Variants in LRRC51 observed in about 807,000 individuals in gnomAD.
LRRC51 encodes leucine-rich repeat-containing protein 51.
A neutral mutation model predicts 17.8 loss-of-function variants in LRRC51; 8 were observed. That is an observed-to-expected ratio of 0.45 (90% CI 0.26 to 0.81). The LOEUF (loss-of-function observed/expected upper bound fraction) is 0.81, where lower values mean the gene tolerates loss of function less well. Among genes scored for constraint, LRRC51 ranks in the 30% least tolerant of loss-of-function variants. LRRC51 has a pLI of 0.17. For synonymous variants in LRRC51, 92 were observed against 96.0 expected (o/e 0.96, Z 0.24); for missense variants, 233 against 239.3 (o/e 0.97, Z 0.17).
chr11:72,088,424 T>C, intron 2 of LRRC51, 44 bp downstream of exon 2: 1 of 702,316 alleles, frequency 1.4e-6, no homozygotes, highest in East Asian at 2.7e-5. Context: ...TGTATGTTTA[T>C]ATGTGTATGG....
At chr11:72,092,409 T>A (rs568041924) in intron 3 of LRRC51, among the ~76,000 whole-genome samples, 1 of 152,368 alleles carries the variant, frequency 6.6e-6, no homozygotes, top group South Asian at 2.1e-4. Context: ...AACCAAATTA[T>A]GTTGATTGTA....
chr11:72,093,121 T>C (rs539491608), intron 3 of LRRC51, among the ~76,000 whole-genome samples: 90 of 152,370 alleles, frequency 5.9e-4, no homozygotes, highest in African/African-American at 2.0e-3. Flanking sequence ...AAGTGAATTC[T>C]ATAGGCTTTA....
Position 72,088,301 on chromosome 11 carries a change from T to TA in LRRC51, c.-134dup. 1.4e-6 allele frequency: 1 copy of TA among 699,922 alleles called. No homozygotes were observed. Among genetic ancestry groups the TA allele is most frequent in the South Asian group, 1.5e-5 (1 of 67,196 alleles). 43.4% of individuals were successfully genotyped at this position (699,922 alleles called of 1,614,324 possible). A position where few individuals can be genotyped will look rare whatever the true frequency, so the allele number is the denominator to read the frequency against. ...CATTGTGTTCATCCCTGTCAGGGAG[T>TA]ATTTCCATTTTAACCGGAAACAATC... On this transcript the variant is annotated 5_prime_UTR_variant, in exon 2 of 6. Coordinates refer to ENST00000289488, the MANE Select transcript of LRRC51 (RefSeq NM_145309.6).
chr11:72,092,594 G>C (rs577469536), intron 3 of LRRC51, among the ~76,000 whole-genome samples: 2 of 152,222 alleles, frequency 1.3e-5, no homozygotes, highest in Non-Finnish European at 2.9e-5. Flanking sequence ...ACAGGGTAAA[G>C]CCCAAGATCC....
chr11:72,091,071 G>A (rs1268978770), intron 3 of LRRC51, among the ~76,000 whole-genome samples: 1 of 152,122 alleles, frequency 6.6e-6, no homozygotes, highest in Non-Finnish European at 1.5e-5. Flanking sequence ...AATCTGAGAG[G>A]AGCAGCAACC....
At chr11:72,088,881 G>A (rs1944691140) in intron 2 of LRRC51, 148 bp from the exon 3 acceptor site, 1 of 879,630 alleles carries the variant, frequency 1.1e-6, no homozygotes, top group Non-Finnish European at 1.7e-6. Context: ...TACATGCAAG[G>A]ATGCAAGGAA....
chr11:72,094,582 C>T (rs1945062231), intron 4 of LRRC51: 1 of 627,606 alleles, frequency 1.6e-6, no homozygotes. Context: ...ATTTTAAAAG[C>T]TTCTTATGTG....
In LRRC51 at chr11:72,088,363, T is replaced by C. The variant is rs1944662423; in HGVS notation, c.-73T>C. 1.4e-6 allele frequency: 1 copy of C among 702,664 alleles called. No individual in the cohort carries two copies. Among genetic ancestry groups the C allele is most frequent in the East Asian group, 2.7e-5 (1 of 37,292 alleles). The allele number at this position is 702,664 out of a possible 1,614,324, so 43.5% of individuals were successfully genotyped here. ...AGGAATGAATGCCTAATGGTGGAGT[T>C]TCAGCCATCAGTGACAGGTGAGTGA... is the stretch of plus-strand genomic sequence containing the variant. On this transcript the variant is annotated 5_prime_UTR_variant, in exon 2 of 6. Coordinates refer to ENST00000289488, the MANE Select transcript of LRRC51 (RefSeq NM_145309.6).
Position 72,095,014 on chromosome 11 carries a change from G to A in LRRC51, c.355G>A (p.Glu119Lys). 6.2e-7 allele frequency: 1 copy of A among 1,614,080 alleles called. No homozygotes were observed. The highest frequency in any genetic ancestry group is 1.1e-5 in the South Asian group (1 of 91,052). The part of the protein sequence containing the change: ...LHGNSIQRLG[E>K]VNKLAVLPRL... ...CGGCAACAGCATCCAGCGCCTGGGG[G>A]AGGTGAATAAGCTGGCTGTCCTTCC... Residue 119 changes from glutamate to lysine, a missense_variant, in exon 5 of 6, where the codon GAG (glutamate) becomes AAG (lysine). Coordinates refer to ENST00000289488, the MANE Select transcript of LRRC51 (RefSeq NM_145309.6).
intron 1 of LRRC51, among the ~76,000 whole-genome samples, chr11:72,084,799 T>G (rs182417346): frequency 9.8e-4 from 139 of 141,502 alleles, no homozygotes; most frequent in African/African-American, 3.6e-3. Context: ...GTAGCACCAT[T>G]GCACTCCAGC....
At chr11:72,087,024 A>G (rs1944569219) in intron 1 of LRRC51, among the ~76,000 whole-genome samples, 1 of 152,170 alleles carries the variant, frequency 6.6e-6, no homozygotes, top group African/African-American at 2.4e-5. Context: ...TTTAATATCT[A>G]AAAGATTCAA....
At chr11:72,093,042 GTACC>G (rs1334971688) in intron 3 of LRRC51, among the ~76,000 whole-genome samples, 1 of 152,184 alleles carries the variant, frequency 6.6e-6, no homozygotes, top group Non-Finnish European at 1.5e-5. Context: ...TGTATATCCA[GTACC>G]TGGCATACTG....
In LRRC51 at chr11:72,089,120, G is replaced by A. The variant is rs146942815; in HGVS notation, c.37G>A (p.Glu13Lys). 11,311 of 1,614,088 alleles carry A rather than the reference G, an allele frequency of 7.0e-3. 52 individuals are homozygous for A. The highest frequency in any genetic ancestry group is 8.3e-3 in the Non-Finnish European group (9,814 of 1,179,992). Residue 13 changes from glutamate (E) to lysine (K), a missense_variant, in exon 3 of 6, where the codon GAG becomes AAG. Glu to Lys is a moderately conservative substitution (Grantham distance 56, BLOSUM62 1). Coordinates refer to ENST00000289488, the MANE Select transcript of LRRC51 (RefSeq NM_145309.6). Reference sequence around the variant, plus strand: ...GGACTATATGAACACTTCGGTACAGGAGCCCCCTCTTGACTACTCCTTCAG... The same window carrying A: ...GGACTATATGAACACTTCGGTACAGAAGCCCCCTCTTGACTACTCCTTCAG... ...KRDYMNTSVQ[E>K]PPLDYSFRSI...
In LRRC51 at chr11:72,088,280, G is replaced by A; in HGVS notation, c.-139-17G>A. On this transcript the variant is annotated splice_polypyrimidine_tract_variant and intron_variant, in intron 1 of 5. Transcript: ENST00000289488. ...ATTGCAAGTGACTGATAACAACATT[G>A]TGTTCATCCCTGTCAGGGAGTATTT... 2.9e-6 allele frequency: 2 copies of A among 686,022 alleles called. No homozygotes were observed. The highest frequency in any genetic ancestry group is 5.3e-6 in the Non-Finnish European group (2 of 376,570). The allele number at this position is 686,022 out of a possible 1,614,324, so 42.5% of individuals were successfully genotyped here.
Position 72,096,729 on chromosome 11 carries a change from A to G in LRRC51, c.*1209A>G, listed in dbSNP as rs1449645075. 6.5e-7 allele frequency: 1 copy of G among 1,540,098 alleles called. No individual in the cohort carries two copies. The highest frequency in any genetic ancestry group is 8.8e-7 in the Non-Finnish European group (1 of 1,141,060). ...ATTTCCAAACTCTTCACAGAGTACC[A>G]GGGTCTGTAGAGATGCCTCACAGGC... On this transcript the variant is annotated 3_prime_UTR_variant, in exon 6 of 6. Transcript: ENST00000289488.
intron 3 of LRRC51, among the ~76,000 whole-genome samples, chr11:72,091,326 CAGGATT>C (rs1458603738): frequency 2.0e-5 from 3 of 152,094 alleles, no homozygotes; most frequent in African/African-American, 7.2e-5. Context: ...GGGAGGGAAG[CAGGATT>C]AGGAATTCAT....
intron 1 of LRRC51, among the ~76,000 whole-genome samples, chr11:72,081,683 C>T (rs1455530236): frequency 6.6e-6 from 1 of 152,132 alleles, no homozygotes; most frequent in African/African-American, 2.4e-5. Flanking sequence ...CGTGAAGTGC[C>T]TCATTCCTTC....
intron 4 of LRRC51, chr11:72,094,684 G>T: frequency 1.4e-6 from 1 of 713,954 alleles, no homozygotes; most frequent in Non-Finnish European, 2.5e-6. Flanking sequence ...GGCAACTAAG[G>T]CTGAGAGAGG....
chr11:72,096,738 A>G lies in LRRC51; in HGVS notation c.*1218A>G. 1 of 1,532,184 alleles carries G rather than the reference A, an allele frequency of 6.5e-7. No individual in the cohort carries two copies. The highest frequency in any genetic ancestry group is 8.8e-7 in the Non-Finnish European group (1 of 1,136,268). 94.9% of individuals were successfully genotyped at this position (1,532,184 alleles called of 1,614,324 possible). On this transcript the variant is annotated 3_prime_UTR_variant, in exon 6 of 6. Coordinates refer to ENST00000289488, the MANE Select transcript of LRRC51 (RefSeq NM_145309.6). Reference sequence around the variant, plus strand: ...CTCTTCACAGAGTACCAGGGTCTGTAGAGATGCCTCACAGGCCTCCATGAC... The same window carrying G: ...CTCTTCACAGAGTACCAGGGTCTGTGGAGATGCCTCACAGGCCTCCATGAC...
Sources: allele counts gnomAD v4.1 joint callset (sites outside exome capture counted in the v4.1 genomes callset), GRCh38; gene constraint gnomAD v4.1.1; transcripts MANE v1.5; gene names NCBI Gene and HGNC (gene_info 2026-07-23, HGNC 2026-07-21).